KCNQ3: variants seen among roughly 807,000 people sequenced by gnomAD.
KCNQ3 encodes the protein potassium voltage-gated channel subfamily KQT member 3.
In KCNQ3, 30 loss-of-function variants were observed where a neutral mutation model predicts 92.5. The observed-to-expected ratio is 0.32, with a 90% CI of 0.24 to 0.44. The LOEUF (loss-of-function observed/expected upper bound fraction) is 0.44. KCNQ3 is among the 20% of genes least tolerant of loss of function. The pLI, the probability that KCNQ3 is intolerant of heterozygous loss-of-function variation, is 1.00. For synonymous variants in KCNQ3, 450 were observed against 468.8 expected, an observed-to-expected ratio of 0.96 and a Z score of 0.52; for missense variants, 913 against 1,140.3, an observed-to-expected ratio of 0.80 and a Z score of 2.87.
intron 1 of KCNQ3, among the ~76,000 whole-genome samples, chr8:132,438,008 T>C (rs940014793): frequency 3.9e-5 from 6 of 152,240 alleles, no homozygotes; most frequent in Non-Finnish European, 8.8e-5. Context: ...ACTATGTTTA[T>C]ATCACAGGCA....
intron 1 of KCNQ3, among the ~76,000 whole-genome samples, chr8:132,363,800 G>C (rs1283143709): frequency 6.6e-6 from 1 of 151,256 alleles, no homozygotes; most frequent in Non-Finnish European, 1.5e-5. Flanking sequence ...TCTTCTGCTT[G>C]TCTTACTTTC....
chr8:132,396,246 G>T (rs1295723642), intron 1 of KCNQ3, among the ~76,000 whole-genome samples: 1 of 152,106 alleles, frequency 6.6e-6, no homozygotes, highest in Non-Finnish European at 1.5e-5. Context: ...AAACACTTGG[G>T]TCTCCCATCC....
chr8:132,140,968 G>A, intron 10 of KCNQ3, 161 bp downstream of exon 10: 1 of 698,206 alleles, frequency 1.4e-6, no homozygotes, highest in Non-Finnish European at 2.6e-6. Context: ...CCAAGGGACA[G>A]GAGGAGTTAG....
intron 1 of KCNQ3, among the ~76,000 whole-genome samples, chr8:132,255,747 T>A (rs959894772): frequency 6.6e-6 from 1 of 152,186 alleles, no homozygotes; most frequent in African/African-American, 2.4e-5. Flanking sequence ...TCCTGTCCAA[T>A]AATTAGCTGA....
chr8:132,263,233 T>A (rs1007421984), intron 1 of KCNQ3, among the ~76,000 whole-genome samples: 1 of 152,210 alleles, frequency 6.6e-6, no homozygotes, highest in Non-Finnish European at 1.5e-5. Flanking sequence ...TACAGCTCTG[T>A]CCCTGGCAAC....
intron 1 of KCNQ3, among the ~76,000 whole-genome samples, chr8:132,441,888 T>A (rs1186615936): frequency 6.6e-6 from 1 of 152,162 alleles, no homozygotes; most frequent in Non-Finnish European, 1.5e-5. Flanking sequence ...CGGAATACTA[T>A]GGAGCCATAA....
chr8:132,348,403 A>G (rs1586947073), intron 1 of KCNQ3, among the ~76,000 whole-genome samples: 2 of 152,294 alleles, frequency 1.3e-5, no homozygotes, highest in Middle Eastern at 3.4e-3. Flanking sequence ...TTAGAATCTG[A>G]CAAGCCCTGC....
intron 1 of KCNQ3, among the ~76,000 whole-genome samples, chr8:132,204,677 A>G (rs1448654554): frequency 2.0e-5 from 3 of 152,226 alleles, no homozygotes; most frequent in Admixed American, 6.5e-5. Context: ...AGTCAGGTAG[A>G]TCTAGGTTTA....
At chr8:132,427,877 C>T (rs1354252046) in intron 1 of KCNQ3, among the ~76,000 whole-genome samples, 1 of 152,178 alleles carries the variant, frequency 6.6e-6, no homozygotes, top group Non-Finnish European at 1.5e-5. Flanking sequence ...AATAAAATGG[C>T]CTTTAATCGC....
chr8:132,361,408 T>C (rs1563878621), intron 1 of KCNQ3, among the ~76,000 whole-genome samples: 3 of 152,228 alleles, frequency 2.0e-5, no homozygotes, highest in Non-Finnish European at 4.4e-5. Context: ...ATATGTTCTT[T>C]AATGTACTGA....
chr8:132,455,624 C>T (rs1476129691), intron 1 of KCNQ3, among the ~76,000 whole-genome samples: 2 of 152,224 alleles, frequency 1.3e-5, no homozygotes, highest in Admixed American at 6.5e-5. Context: ...CCACTGTCCT[C>T]GTCATTGCTG....
At position 132,337,280 on chromosome 8, in the gene KCNQ3, G is replaced by A. The variant is rs567812175; in HGVS notation, c.386+142867C>T. Among the ~76,000 whole-genome samples, 64 of 152,230 alleles carry A rather than the reference G, an allele frequency of 4.2e-4. 1 individual carries two copies. The highest frequency in any genetic ancestry group is 1.8e-4 in the Non-Finnish European group (12 of 68,012). ...AGGAGGATCGCATTGCTTGAGCCCA[G>A]AAGTTTGAGACCAGCATGAGCAATA... On this transcript the variant is annotated intron_variant, in intron 1 of 14. Transcript: ENST00000388996.
chr8:132,448,953 C>CGGGTTA (rs1563916229), intron 1 of KCNQ3, among the ~76,000 whole-genome samples: 1 of 152,186 alleles, frequency 6.6e-6, no homozygotes, highest in African/African-American at 2.4e-5. Flanking sequence ...AAGGCCAACA[C>CGGGTTA]GGGTTAGAGA....
intron 1 of KCNQ3, among the ~76,000 whole-genome samples, chr8:132,446,909 C>T (rs758434033): frequency 6.8e-4 from 104 of 152,172 alleles, no homozygotes; most frequent in East Asian, 5.8e-4. Flanking sequence ...GCCAGAAGCA[C>T]GTGAGTGGTG....
Position 132,136,343 on chromosome 8 carries a change from T to G in KCNQ3, c.1700+1542A>C, listed in dbSNP as rs563618595. 5.8e-4 allele frequency among the ~76,000 whole-genome samples: 88 copies of G among 152,158 alleles called. 1 individual carries two copies. The South Asian group carries it at 0.018, about 31-fold the overall frequency. Reference sequence around the variant, plus strand: ...ACACATGTCAGAGAGTGAACTGCAATAGGATTTTGGTTTCCTGACTGTTAT... The same window carrying G: ...ACACATGTCAGAGAGTGAACTGCAAGAGGATTTTGGTTTCCTGACTGTTAT... On this transcript the variant is annotated intron_variant, in intron 12 of 14. Transcript: ENST00000388996.
At chr8:132,180,642 C>CT (rs979494477) in intron 3 of KCNQ3, among the ~76,000 whole-genome samples, 1 of 152,104 alleles carries the variant, frequency 6.6e-6, no homozygotes, top group African/African-American at 2.4e-5. Context: ...CAGTGTGGTC[C>CT]TTGAGATTCA....
intron 1 of KCNQ3, among the ~76,000 whole-genome samples, chr8:132,326,543 T>C (rs1818056831): frequency 6.6e-6 from 1 of 152,206 alleles, no homozygotes; most frequent in Non-Finnish European, 1.5e-5. Flanking sequence ...TATTAAGGGA[T>C]GATTGAGTCA....
At chr8:132,133,633 C>T (rs1423824203) in intron 13 of KCNQ3, among the ~76,000 whole-genome samples, 3 of 152,150 alleles carry the variant, frequency 2.0e-5, no homozygotes, top group Non-Finnish European at 2.9e-5. Context: ...GGATTACAGG[C>T]GTAAGCCACC....
chr8:132,161,024 T>G (rs1440169260), intron 9 of KCNQ3, among the ~76,000 whole-genome samples: 1 of 151,054 alleles, frequency 6.6e-6, no homozygotes, highest in Non-Finnish European at 1.5e-5. Context: ...ATGCTTAGCA[T>G]AAAATTATCA....
Sources: gnomAD v4.1 joint callset for allele counts (sites outside exome capture counted in the v4.1 genomes callset) on GRCh38, gnomAD v4.1.1 for gene constraint, MANE v1.5 for transcripts, NCBI Gene and HGNC (gene_info 2026-07-23, HGNC 2026-07-21) for gene names.